Variants in ERI3 observed in about 807,000 individuals in gnomAD.
ERI3 encodes the protein ERI1 exoribonuclease 3.
Under a neutral mutation model 44.4 loss-of-function variants are expected in ERI3, and 18 were observed. The ratio of observed to expected loss-of-function variants is 0.41; its 90% CI spans 0.28 to 0.60. The LOEUF (loss-of-function observed/expected upper bound fraction) is 0.60, where lower values mean the gene tolerates loss of function less well. Ranked by LOEUF, ERI3 falls within the 20% of genes least tolerant of loss-of-function variation. The pLI is 0.36. For synonymous variants in ERI3, 183 were observed against 164.8 expected (o/e 1.11, Z -0.84); for missense variants, 294 against 435.5 (o/e 0.68, Z 2.89).
chr1:44,327,353 C>A (rs1443981147), intron 3 of ERI3, among the ~76,000 whole-genome samples: 1 of 152,194 alleles, frequency 6.6e-6, no homozygotes, highest in East Asian at 1.9e-4. Flanking sequence ...CTCCCAGTCA[C>A]CTGCTGTATC....
rs573028803 is a variant in ERI3 at position 44,318,746 on chromosome 1, C to A, written c.606+882G>T. On this transcript the variant is annotated intron_variant, in intron 4 of 8. Transcript: ENST00000372257. Reference sequence around the variant, plus strand: ...AACCCTTTTTCACCTATTTCATTCACATGTAGAAGATAGGTCTCTAAATGA... The same window carrying A: ...AACCCTTTTTCACCTATTTCATTCAAATGTAGAAGATAGGTCTCTAAATGA... 9.8e-5 allele frequency among the ~76,000 whole-genome samples: 15 copies of A among 152,354 alleles called. No individual in the cohort carries two copies. In the East Asian group the frequency reaches 2.9e-3, roughly 29 times the overall value.
intron 2 of ERI3, among the ~76,000 whole-genome samples, chr1:44,345,860 C>T (rs1206059293): frequency 6.6e-6 from 1 of 152,204 alleles, no homozygotes; most frequent in Non-Finnish European, 1.5e-5. Flanking sequence ...CCAAGGTTCA[C>T]ACTGCAAGAA....
chr1:44,246,851 G>A (rs948660541), intron 8 of ERI3, among the ~76,000 whole-genome samples: 1 of 152,148 alleles, frequency 6.6e-6, no homozygotes, highest in African/African-American at 2.4e-5. Context: ...TACTCTGAAG[G>A]AGGTGACTGG....
intron 7 of ERI3, among the ~76,000 whole-genome samples, chr1:44,261,897 A>C (rs886639370): frequency 2.0e-5 from 3 of 152,184 alleles, no homozygotes; most frequent in Non-Finnish European, 4.4e-5. Flanking sequence ...GCATGCCTAA[A>C]GCTTTCCCAG....
chr1:44,223,575 A>G (rs1467190977), intron 8 of ERI3, among the ~76,000 whole-genome samples: 1 of 152,084 alleles, frequency 6.6e-6, no homozygotes, highest in Non-Finnish European at 1.5e-5. Flanking sequence ...GCAATTACCC[A>G]GCGGCCACAC....
chr1:44,336,273 C>T (rs1646534237), intron 3 of ERI3, among the ~76,000 whole-genome samples: 1 of 152,166 alleles, frequency 6.6e-6, no homozygotes, highest in African/African-American at 2.4e-5. Flanking sequence ...AATCCGTCTT[C>T]TTGGCTTTCT....
At chr1:44,298,712 CG>C (rs1645661610) in intron 6 of ERI3, among the ~76,000 whole-genome samples, 1 of 151,954 alleles carries the variant, frequency 6.6e-6, no homozygotes, top group Non-Finnish European at 1.5e-5. Flanking sequence ...CTCAGGAGTT[CG>C]AGACCAGCCT....
chr1:44,245,148 G>A (rs893172543), intron 8 of ERI3, among the ~76,000 whole-genome samples: 4 of 152,114 alleles, frequency 2.6e-5, no homozygotes, highest in Admixed American at 6.5e-5. Flanking sequence ...CTTTTAGCAC[G>A]CACAGTAACT....
intron 7 of ERI3, among the ~76,000 whole-genome samples, chr1:44,281,914 GTGTGTGTGTGTGTA>G (rs770161433): frequency 6.6e-6 from 1 of 150,856 alleles, no homozygotes; most frequent in Admixed American, 6.6e-5. Context: ...GTGTGTGTGT[GTGTGTGTGTGTGTA>G]TGTATTCTTC....
intron 3 of ERI3, among the ~76,000 whole-genome samples, chr1:44,329,171 C>T (rs1646378495): frequency 6.6e-6 from 1 of 152,140 alleles, no homozygotes; most frequent in Non-Finnish European, 1.5e-5. Flanking sequence ...ATGAGAAGAC[C>T]GCTCATTACA....
intron 3 of ERI3, among the ~76,000 whole-genome samples, chr1:44,332,560 C>A (rs909997958): frequency 6.6e-6 from 1 of 152,218 alleles, no homozygotes; most frequent in Admixed American, 6.5e-5. Context: ...TTCGATCCTG[C>A]CTCTGCTATG....
At chr1:44,300,623 G>C (rs920475334) in intron 6 of ERI3, among the ~76,000 whole-genome samples, 1 of 152,158 alleles carries the variant, frequency 6.6e-6, no homozygotes, top group African/African-American at 2.4e-5. Context: ...AGATGCTTTG[G>C]CTCCACAGAA....
chr1:44,288,845 A>G (rs1243949235), intron 6 of ERI3, among the ~76,000 whole-genome samples: 1 of 151,866 alleles, frequency 6.6e-6, no homozygotes, highest in Non-Finnish European at 1.5e-5. Context: ...CCAATTTCTC[A>G]GAAAAAAAAA....
chr1:44,221,758 AGAG>A lies in ERI3; in HGVS notation c.932-121_932-119del, dbSNP rs1643902437. 5.0e-6 allele frequency: 4 copies of A among 795,730 alleles called. No homozygotes were observed. The African/African-American group carries it at 6.8e-5, about 14-fold the overall frequency. The allele number at this position is 795,730 out of a possible 1,614,324, so 49.3% of individuals were successfully genotyped here. ...CAGATTCAGGAGACACAGGCTTTAG[AGAG>A]GGTGGTCCCATCCCCTGGTGGCAGC... is the stretch of plus-strand genomic sequence containing the variant. On this transcript the variant is annotated intron_variant, in intron 8 of 8. Transcript: ENST00000372257. This position sits in a 1 kb window ranked among gnomAD's most constrained non-coding sequence, Gnocchi z 5.9.
chr1:44,269,875 T>C (rs948452787), intron 7 of ERI3, among the ~76,000 whole-genome samples: 1 of 152,200 alleles, frequency 6.6e-6, no homozygotes, highest in Non-Finnish European at 1.5e-5. Flanking sequence ...ACAATAGCCC[T>C]CACAGCCCCT....
rs533256455 is a variant in ERI3 at position 44,276,901 on chromosome 1, C to T, written c.831+7934G>A. Among the ~76,000 whole-genome samples the T allele has an allele frequency of 2.6e-5, 4 of 152,284 alleles. No individual in the cohort carries two copies. The South Asian group carries it at 8.3e-4, about 32-fold the overall frequency. ...ATGCCCACAACCAGGCAGCTGAGGTCCAATAAAGAAAAGTCATACAATTGA... is the reference window on the plus strand; with the variant it reads ...ATGCCCACAACCAGGCAGCTGAGGTTCAATAAAGAAAAGTCATACAATTGA... On this transcript the variant is annotated intron_variant, in intron 7 of 8. Coordinates refer to ENST00000372257, the MANE Select transcript of ERI3 (RefSeq NM_024066.3).
rs1375516254 is a variant in ERI3, at chr1:44,339,307, C to T, written c.227G>A (p.Gly76Glu). ...CTGTAAAGGTGCTAGCATTGAACATCCAGAAGCATCTAAAACTTAGGGGAG... is the reference window on the plus strand; with the variant it reads ...CTGTAAAGGTGCTAGCATTGAACATTCAGAAGCATCTAAAACTTAGGGGAG... ...FEVRRVLDAS[G>E]CSMLAPLQTG... Residue 76 changes from glycine (G) to glutamate (E), a missense_variant, in exon 3 of 9, where the codon GGA becomes GAA. Physicochemically the swap from Gly to Glu is moderately conservative, Grantham distance 98. This residue lies in a region of ERI3 where 187 missense variants were observed against 338.6 expected (regional missense o/e 0.55). Transcript: ENST00000372257. The T allele has an allele frequency of 3.2e-5, 49 of 1,518,710 alleles. No individual in the cohort carries two copies. The highest frequency in any genetic ancestry group is 3.8e-5 in the Non-Finnish European group (43 of 1,126,644). 94.1% of individuals were successfully genotyped at this position (1,518,710 alleles called of 1,614,324 possible). A position where few individuals can be genotyped will look rare whatever the true frequency, so the allele number is the denominator to read the frequency against.
intron 6 of ERI3, among the ~76,000 whole-genome samples, chr1:44,303,198 G>C (rs1357681818): frequency 6.6e-6 from 1 of 152,222 alleles, no homozygotes; most frequent in East Asian, 1.9e-4. Flanking sequence ...ATCTCACCCA[G>C]TACTCACCAT....
chr1:44,293,602 C>T (rs1056587179), intron 6 of ERI3, among the ~76,000 whole-genome samples: 4 of 152,182 alleles, frequency 2.6e-5, no homozygotes, highest in East Asian at 3.8e-4. Context: ...ATTTCCCCCA[C>T]AGATGTCAGG....
Sources: allele counts gnomAD v4.1 joint callset (sites outside exome capture counted in the v4.1 genomes callset), GRCh38; gene constraint gnomAD v4.1.1; regional missense constraint gnomAD v4.1.1; non-coding constraint Gnocchi (gnomAD v3.1); transcripts MANE v1.5; gene names NCBI Gene and HGNC (gene_info 2026-07-23, HGNC 2026-07-21).